Variants in MACROD2 observed in about 807,000 individuals in gnomAD.
The protein encoded by MACROD2 is ADP-ribose glycohydrolase MACROD2.
MACROD2 carries 36 observed loss-of-function variants against 70.4 expected under a neutral mutation model. That is an observed-to-expected ratio of 0.51 (90% CI 0.39 to 0.68). MACROD2 has a LOEUF of 0.68. Ranked by LOEUF, MACROD2 falls within the 30% of genes least tolerant of loss-of-function variation. MACROD2 has a pLI of 0.00. For synonymous variants in MACROD2, 172 were observed against 178.8 expected, an observed-to-expected ratio of 0.96 and a Z score of 0.30; for missense variants, 496 against 538.4, an observed-to-expected ratio of 0.92 and a Z score of 0.78.
At chr20:14,465,822 A>G (rs1354771584) in intron 3 of MACROD2, among the ~76,000 whole-genome samples, 4 of 152,140 alleles carry the variant, frequency 2.6e-5, no homozygotes, top group African/African-American at 7.2e-5. Context: ...TGAAATTCTG[A>G]GTTGAAAATT....
intron 2 of MACROD2, among the ~76,000 whole-genome samples, chr20:14,064,885 A>G (rs2053737467): frequency 6.6e-6 from 1 of 152,258 alleles, no homozygotes; most frequent in Admixed American, 6.5e-5. Context: ...AATTATTACC[A>G]TAATATTCAA....
intron 6 of MACROD2, among the ~76,000 whole-genome samples, chr20:15,252,549 T>G (rs1410091916): frequency 6.6e-6 from 1 of 152,170 alleles, no homozygotes; most frequent in African/African-American, 2.4e-5. Context: ...TCACATTTCA[T>G]TAACTAGAAG....
chr20:15,628,311 T>C (rs1021215085), intron 8 of MACROD2, among the ~76,000 whole-genome samples: 1 of 152,232 alleles, frequency 6.6e-6, no homozygotes, highest in African/African-American at 2.4e-5. Flanking sequence ...CCCATTTTCA[T>C]ATAAGCAAAC....
At chr20:15,263,143 T>G (rs967753845) in intron 6 of MACROD2, among the ~76,000 whole-genome samples, 1 of 152,010 alleles carries the variant, frequency 6.6e-6, no homozygotes, top group African/African-American at 2.4e-5. Flanking sequence ...AGTATCCCCA[T>G]TGTTTTCTTT....
intron 6 of MACROD2, among the ~76,000 whole-genome samples, chr20:15,384,388 G>A (rs2045684549): frequency 6.6e-6 from 1 of 152,170 alleles, no homozygotes; most frequent in East Asian, 1.9e-4. Flanking sequence ...AGCCTCCTGA[G>A]TAGTTGGGAC....
chr20:14,015,825 C>T (rs556376419), intron 2 of MACROD2, among the ~76,000 whole-genome samples: 1 of 152,180 alleles, frequency 6.6e-6, no homozygotes, highest in South Asian at 2.1e-4. Context: ...TTTTTAAGGC[C>T]GAATATTATT....
intron 12 of MACROD2, among the ~76,000 whole-genome samples, chr20:15,951,351 A>ACACAC (rs71192308): frequency 1.3e-5 from 2 of 149,074 alleles, no homozygotes; most frequent in Admixed American, 6.7e-5. Flanking sequence ...ACACACACAC[A>ACACAC]AAGAGAGAGA....
intron 3 of MACROD2, among the ~76,000 whole-genome samples, chr20:14,095,935 A>G (rs1430887518): frequency 6.6e-6 from 1 of 152,188 alleles, no homozygotes; most frequent in Non-Finnish European, 1.5e-5. Context: ...GCAAAAGAAA[A>G]ATGTTACCTT....
chr20:14,226,836 G>A (rs1021735522), intron 3 of MACROD2, among the ~76,000 whole-genome samples: 6 of 152,182 alleles, frequency 3.9e-5, no homozygotes, highest in Non-Finnish European at 5.9e-5. Flanking sequence ...GATGAGCGCC[G>A]CCCCCTGCTC....
chr20:14,725,463 G>A (rs2071517854), intron 5 of MACROD2, among the ~76,000 whole-genome samples: 1 of 152,114 alleles, frequency 6.6e-6, no homozygotes. Context: ...GAGAAGGCAT[G>A]CAAACTGAGC....
In MACROD2 at chr20:16,031,358, C is replaced by T. The variant is rs1262039398; in HGVS notation, c.1154-9843C>T. ...CTGGAGATTGCGGAGAAATCATTAT[C>T]GTTATCATTATCATGCTCTAAGTGA... On this transcript the variant is annotated intron_variant, in intron 15 of 17. Transcript: ENST00000684519. 5.3e-5 allele frequency among the ~76,000 whole-genome samples: 8 copies of T among 152,102 alleles called. No homozygotes were observed. The South Asian group carries it at 6.2e-4, about 12-fold the overall frequency.
intron 6 of MACROD2, among the ~76,000 whole-genome samples, chr20:15,345,965 A>T (rs2078161106): frequency 6.6e-6 from 1 of 152,158 alleles, no homozygotes; most frequent in East Asian, 1.9e-4. Context: ...ATTCCTGGAG[A>T]TGATGTCAAT....
chr20:14,941,846 C>T (rs959172035), intron 5 of MACROD2, among the ~76,000 whole-genome samples: 9 of 151,332 alleles, frequency 5.9e-5, no homozygotes, highest in Non-Finnish European at 8.8e-5. Flanking sequence ...TGTAGTGGTG[C>T]GACCATGGCT....
intron 6 of MACROD2, among the ~76,000 whole-genome samples, chr20:15,405,986 CATG>C (rs2146316026): frequency 6.6e-6 from 1 of 152,342 alleles, no homozygotes; most frequent in Admixed American, 6.5e-5. Flanking sequence ...TCAGTGAGGA[CATG>C]ATGATCAGCT....
chr20:14,166,800 T>C (rs906304221), intron 3 of MACROD2, among the ~76,000 whole-genome samples: 1 of 152,186 alleles, frequency 6.6e-6, no homozygotes, highest in African/African-American at 2.4e-5. Context: ...ATTTATCCTA[T>C]TGTCCCATAA....
intron 4 of MACROD2, chr20:14,636,476 G>T (rs1006786308): frequency 1.3e-5 from 2 of 151,874 alleles, no homozygotes; most frequent in Admixed American, 1.3e-4. Flanking sequence ...ATTGAGGACC[G>T]TCCCTTTCTT....
chr20:14,854,902 G>T (rs1000156929), intron 5 of MACROD2, among the ~76,000 whole-genome samples: 1 of 152,076 alleles, frequency 6.6e-6, no homozygotes, highest in Admixed American at 6.6e-5. Flanking sequence ...TGTAGTCCCA[G>T]CTACTCGGGA....
intron 5 of MACROD2, among the ~76,000 whole-genome samples, chr20:15,062,871 T>A (rs1253498492): frequency 6.6e-6 from 1 of 152,154 alleles, no homozygotes; most frequent in Non-Finnish European, 1.5e-5. Flanking sequence ...AATTCTTGCC[T>A]CCTGCACTGG....
chr20:15,692,235 C>T (rs2050307768), intron 8 of MACROD2, among the ~76,000 whole-genome samples: 1 of 152,076 alleles, frequency 6.6e-6, no homozygotes, highest in Non-Finnish European at 1.5e-5. Context: ...TGAGACTTCT[C>T]TCAGGCCCAT....
Sources: gnomAD v4.1 joint callset for allele counts (sites outside exome capture counted in the v4.1 genomes callset) on GRCh38, gnomAD v4.1.1 for gene constraint, MANE v1.5 for transcripts, NCBI Gene and HGNC (gene_info 2026-07-23, HGNC 2026-07-21) for gene names.